The following LIN52 variants were observed in gnomAD, a reference collection of about 807,000 sequenced individuals.
The protein encoded by LIN52 is protein lin-52 homolog.
LIN52 carries 4 observed loss-of-function variants against 18.5 expected under a neutral mutation model. The ratio of observed to expected loss-of-function variants is 0.22; its 90% CI spans 0.11 to 0.49. The LOEUF (loss-of-function observed/expected upper bound fraction) is 0.49, where lower values mean the gene tolerates loss of function less well. Ranked by LOEUF, LIN52 falls within the 20% of genes least tolerant of loss-of-function variation. The pLI, the probability that LIN52 is intolerant of heterozygous loss-of-function variation, is 0.97. For missense variants in LIN52, 102 were observed against 139.5 expected (o/e 0.73, Z 1.35); for synonymous variants, 34 against 45.5 (o/e 0.75, Z 1.02).
At chr14:74,116,415 C>T (rs2060964986) in intron 5 of LIN52, among the ~76,000 whole-genome samples, 1 of 152,060 alleles carries the variant, frequency 6.6e-6, no homozygotes, top group African/African-American at 2.4e-5. Flanking sequence ...CATTAAAAAA[C>T]ATTAAAGGGG....
At chr14:74,086,920 T>G (rs1268213787) in intron 1 of LIN52, among the ~76,000 whole-genome samples, 1 of 151,180 alleles carries the variant, frequency 6.6e-6, no homozygotes, top group Non-Finnish European at 1.5e-5. Flanking sequence ...ATTAAAATGG[T>G]AAAATTTATG....
At chr14:74,185,640 C>A (rs918097150) in intron 5 of LIN52, among the ~76,000 whole-genome samples, 2 of 152,130 alleles carry the variant, frequency 1.3e-5, no homozygotes, top group Non-Finnish European at 2.9e-5. Flanking sequence ...TGCTGAAAAT[C>A]TTGGTTCCTA....
chr14:74,098,215 A>G (rs1052703876), intron 4 of LIN52, among the ~76,000 whole-genome samples: 1 of 152,170 alleles, frequency 6.6e-6, no homozygotes, highest in Admixed American at 6.5e-5. Context: ...TCATAAGTTA[A>G]CCAAGATAGA....
At chr14:74,105,097 G>A (rs2060888332) in intron 5 of LIN52, among the ~76,000 whole-genome samples, 1 of 152,102 alleles carries the variant, frequency 6.6e-6, no homozygotes, top group Admixed American at 6.5e-5. Context: ...TTAGTTTTCA[G>A]AATAATGAGT....
Position 74,159,258 on chromosome 14 carries a change from C to T in LIN52, c.284-39664C>T, listed in dbSNP as rs548649233. On this transcript the variant is annotated intron_variant, in intron 5 of 5. Transcript: ENST00000555028. Reference sequence around the variant, plus strand: ...ATTAAAAAAAAATCTTACCCAAGTTCTCCCTACAATTTTTAAATAAAATAG... The same window carrying T: ...ATTAAAAAAAAATCTTACCCAAGTTTTCCCTACAATTTTTAAATAAAATAG... Among the ~76,000 whole-genome samples, 6 of 152,124 alleles carry T rather than the reference C, an allele frequency of 3.9e-5. No homozygotes were observed. The East Asian group carries it at 9.6e-4, about 24-fold the overall frequency.
chr14:74,107,612 G>T (rs192843308), intron 5 of LIN52, among the ~76,000 whole-genome samples: 1 of 151,880 alleles, frequency 6.6e-6, no homozygotes, highest in East Asian at 1.9e-4. Context: ...CTCAGTCCTT[G>T]GACTGATTGT....
At chr14:74,117,113 T>A (rs1218198489) in intron 5 of LIN52, among the ~76,000 whole-genome samples, 1 of 152,118 alleles carries the variant, frequency 6.6e-6, no homozygotes, top group East Asian at 1.9e-4. Context: ...TAAAAATGAG[T>A]AGATCCATTA....
intron 5 of LIN52, among the ~76,000 whole-genome samples, chr14:74,101,928 G>A (rs1285575999): frequency 6.6e-6 from 1 of 152,004 alleles, no homozygotes; most frequent in Non-Finnish European, 1.5e-5. Context: ...ATGTACCACC[G>A]TGCCTGGGTA....
intron 5 of LIN52, among the ~76,000 whole-genome samples, chr14:74,128,138 A>C (rs1367323349): frequency 6.6e-6 from 1 of 152,188 alleles, no homozygotes; most frequent in African/African-American, 2.4e-5. Context: ...ACTAAAGAGA[A>C]AGGTGAACTT....
In LIN52 at chr14:74,195,543, G is replaced by GGTGT; in HGVS notation, c.284-3370_284-3367dup. ...GACCCTACTAGAAGAGGTGTGTGTG[G>GGTGT]GTGTGTGTGTGTATGTGTGTGTGTG... On this transcript the variant is annotated intron_variant, in intron 5 of 5. Transcript: ENST00000555028. Among the ~76,000 whole-genome samples, 3 of 102,132 alleles carry GGTGT rather than the reference G, an allele frequency of 2.9e-5. No individual in the cohort carries two copies. The East Asian group carries it at 8.0e-4, about 27-fold the overall frequency. 67.0% of individuals were successfully genotyped at this position (102,132 alleles called of 152,430 possible).
At chr14:74,162,551 TA>T (rs1015283664) in intron 5 of LIN52, among the ~76,000 whole-genome samples, 72 of 151,976 alleles carry the variant, frequency 4.7e-4, no homozygotes, top group African/African-American at 1.7e-3. Flanking sequence ...CTTATTTATT[TA>T]TTTTTTTATT....
chr14:74,110,159 T>A (rs78397185), intron 5 of LIN52, among the ~76,000 whole-genome samples: 1 of 152,236 alleles, frequency 6.6e-6, no homozygotes. Context: ...ATATAAGTAG[T>A]TGCTTCTGCT....
chr14:74,129,502 G>T (rs907074515), intron 5 of LIN52, among the ~76,000 whole-genome samples: 1 of 152,080 alleles, frequency 6.6e-6, no homozygotes, highest in Non-Finnish European at 1.5e-5. Context: ...TTTGTGAGTT[G>T]GTGGGAAGAT....
chr14:74,120,581 C>T (rs2060993267), intron 5 of LIN52, among the ~76,000 whole-genome samples: 1 of 152,006 alleles, frequency 6.6e-6, no homozygotes, highest in African/African-American at 2.4e-5. Flanking sequence ...ATTGTGAAAC[C>T]CCGTCTCTAC....
At chr14:74,165,623 C>A (rs907738071) in intron 5 of LIN52, among the ~76,000 whole-genome samples, 5 of 150,868 alleles carry the variant, frequency 3.3e-5, no homozygotes, top group Admixed American at 1.3e-4. Context: ...ATTCTCCTGC[C>A]TCAGCTTCCC....
chr14:74,177,220 A>G (rs2061298180), intron 5 of LIN52, among the ~76,000 whole-genome samples: 1 of 151,470 alleles, frequency 6.6e-6, no homozygotes, highest in South Asian at 2.1e-4. Flanking sequence ...CTGGTCTCGA[A>G]CTCCTGACCT....
At chr14:74,147,958 A>G (rs2061159543) in intron 5 of LIN52, among the ~76,000 whole-genome samples, 1 of 152,232 alleles carries the variant, frequency 6.6e-6, no homozygotes, top group African/African-American at 2.4e-5. Context: ...GGTAAGTGTT[A>G]TGTATATTTC....
intron 1 of LIN52, among the ~76,000 whole-genome samples, chr14:74,089,994 A>G (rs1312622613): frequency 1.4e-5 from 2 of 147,874 alleles, no homozygotes; most frequent in Admixed American, 6.8e-5. Flanking sequence ...CCAAAGCCCA[A>G]GTGGGCATGT....
intron 5 of LIN52, among the ~76,000 whole-genome samples, chr14:74,143,362 G>A (rs8008987): frequency 0.78 from 117,995 of 152,064 alleles, 46,099 homozygotes; most frequent in Admixed American, 0.81. Flanking sequence ...CAGCGTGGAC[G>A]ACATAGAAAG....
Sources: gnomAD v4.1 joint callset for allele counts (sites outside exome capture counted in the v4.1 genomes callset) on GRCh38, gnomAD v4.1.1 for gene constraint, MANE v1.5 for transcripts, NCBI Gene and HGNC (gene_info 2026-07-23, HGNC 2026-07-21) for gene names.